RASSF3: variants seen among roughly 807,000 people sequenced by gnomAD.
The protein encoded by RASSF3 is Ras association domain family member 3.
Under a neutral mutation model 19.9 loss-of-function variants are expected in RASSF3, and 19 were observed. The observed-to-expected ratio is 0.96, with a 90% CI of 0.67 to 1.40. The LOEUF is 1.40. RASSF3 is among the 40% of genes most tolerant of loss of function. The pLI, the probability that RASSF3 is intolerant of heterozygous loss-of-function variation, is 0.00. For synonymous variants in RASSF3, 110 were observed against 104.2 expected (o/e 1.06, Z -0.34); for missense variants, 306 against 289.8 (o/e 1.06, Z -0.41).
In RASSF3 at chr12:64,684,431, G is replaced by T. The variant is rs865979921; in HGVS notation, c.112-356G>T. On this transcript the variant is annotated intron_variant, in intron 1 of 4. Coordinates refer to ENST00000542104, the MANE Select transcript of RASSF3 (RefSeq NM_178169.4). Reference sequence around the variant, plus strand: ...TCCTGACTTATCTGTTTGTTTGTTTGTTTGTTTTTTTTTTTTGAGACAGAG... The same window carrying T: ...TCCTGACTTATCTGTTTGTTTGTTTTTTTGTTTTTTTTTTTTGAGACAGAG... Among the ~76,000 whole-genome samples, 540 of 121,448 alleles carry T rather than the reference G, an allele frequency of 4.4e-3. 8 individuals are homozygous for T. Among genetic ancestry groups the T allele is most frequent in the African/African-American group, 0.015 (482 of 31,524 alleles). The allele number at this position is 121,448 out of a possible 152,430, so 79.7% of individuals were successfully genotyped here. A position where few individuals can be genotyped will look rare whatever the true frequency, so the allele number is the denominator to read the frequency against.
chr12:64,535,317 A>T (rs1190206964), intron 1 of RASSF3, among the ~76,000 whole-genome samples: 3 of 66,954 alleles, frequency 4.5e-5, no homozygotes, highest in African/African-American at 9.6e-5. Flanking sequence ...CTCTGTCTCT[A>T]AAAAAAAAAA....
chr12:64,658,485 A>G (rs1183374638), intron 1 of RASSF3, among the ~76,000 whole-genome samples: 3 of 152,234 alleles, frequency 2.0e-5, no homozygotes, highest in Non-Finnish European at 2.9e-5. Flanking sequence ...AGCACTGTCT[A>G]AACTAGTGAA....
chr12:64,584,502 A>AG (rs1156896168), intron 2 of RASSF3, among the ~76,000 whole-genome samples: 3 of 128,182 alleles, frequency 2.3e-5, no homozygotes, highest in East Asian at 2.2e-4. Flanking sequence ...GTCCAGGCTA[A>AG]GAAAAAAAAA....
At chr12:64,673,942 A>T (rs1274728694) in intron 1 of RASSF3, among the ~76,000 whole-genome samples, 1 of 152,150 alleles carries the variant, frequency 6.6e-6, no homozygotes, top group Non-Finnish European at 1.5e-5. Flanking sequence ...CTGTTGGCAC[A>T]CTACCCAGTT....
At chr12:64,588,917 A>G (rs1208821618) in intron 2 of RASSF3, among the ~76,000 whole-genome samples, 1 of 152,174 alleles carries the variant, frequency 6.6e-6, no homozygotes, top group African/African-American at 2.4e-5. Context: ...ATGTGATTGA[A>G]TCTTTTTAAC....
intron 1 of RASSF3, among the ~76,000 whole-genome samples, chr12:64,673,998 G>C (rs1012851250): frequency 6.6e-6 from 1 of 152,054 alleles, no homozygotes; most frequent in Non-Finnish European, 1.5e-5. Flanking sequence ...TAACCAGGGG[G>C]TTTAAAAAGT....
chr12:64,576,551 T>C (rs1189029119), intron 2 of RASSF3, among the ~76,000 whole-genome samples: 1 of 152,180 alleles, frequency 6.6e-6, no homozygotes, highest in East Asian at 1.9e-4. Flanking sequence ...GACCAGGGAT[T>C]GGCAAACTAC....
At chr12:64,608,048 C>T (rs1445826777), upstream of RASSF3, among the ~76,000 whole-genome samples, 1 of 151,964 alleles carries the variant, frequency 6.6e-6, no homozygotes, top group East Asian at 1.9e-4. Context: ...GGATTACAGG[C>T]GTAAACCACC....
intron 2 of RASSF3, among the ~76,000 whole-genome samples, chr12:64,603,073 TG>T (rs1468726455): frequency 6.6e-6 from 1 of 151,896 alleles, no homozygotes; most frequent in African/African-American, 2.4e-5. Context: ...CACTTCAGTC[TG>T]GGTGACAGAG....
intron 2 of RASSF3, among the ~76,000 whole-genome samples, chr12:64,597,857 A>G (rs192317110): frequency 6.6e-6 from 1 of 152,170 alleles, no homozygotes; most frequent in Non-Finnish European, 1.5e-5. Context: ...CCTCTTACGT[A>G]TCCTTCTCCT....
downstream of RASSF3, among the ~76,000 whole-genome samples, chr12:64,543,447 C>CGCCTGCCCCCCCGCT (rs1555208312): frequency 8.0e-5 from 5 of 62,832 alleles, no homozygotes; most frequent in Non-Finnish European, 1.5e-4. Flanking sequence ...CCCCCGTGCC[C>CGCCTGCCCCCCCGCT]GCCCGCCCCC....
intron 1 of RASSF3, among the ~76,000 whole-genome samples, chr12:64,619,824 A>G (rs1415980363): frequency 6.6e-6 from 1 of 152,064 alleles, no homozygotes; most frequent in South Asian, 2.1e-4. Flanking sequence ...TACTAAAAAT[A>G]CAAAAATTAG....
At chr12:64,658,669 C>T (rs1426215131) in intron 1 of RASSF3, among the ~76,000 whole-genome samples, 2 of 152,080 alleles carry the variant, frequency 1.3e-5, no homozygotes, top group Non-Finnish European at 2.9e-5. Flanking sequence ...AGTATGGTGG[C>T]ATACACCTGT....
chr12:64,511,398 C>A (rs953069502), intron 1 of RASSF3, among the ~76,000 whole-genome samples: 1 of 152,170 alleles, frequency 6.6e-6, no homozygotes, highest in Non-Finnish European at 1.5e-5. Context: ...AGGAGAATTG[C>A]TGGAACCCGG....
At chr12:64,607,438 T>G (rs915977605), upstream of RASSF3, among the ~76,000 whole-genome samples, 9 of 152,142 alleles carry the variant, frequency 5.9e-5, no homozygotes, top group Non-Finnish European at 1.0e-4. Context: ...GGCGTGATCT[T>G]GGCTCACTGC....
chr12:64,684,431 G>GTTTTTTTTTTTT (rs146721078), intron 1 of RASSF3, among the ~76,000 whole-genome samples: 1 of 121,508 alleles, frequency 8.2e-6, no homozygotes. Flanking sequence ...TTGTTTGTTT[G>GTTTTTTTTTTTT]TTTGTTTTTT....
downstream of RASSF3, among the ~76,000 whole-genome samples, chr12:64,543,487 T>C (rs1231626270): frequency 3.1e-4 from 4 of 12,812 alleles, no homozygotes; most frequent in South Asian, 4.1e-3. Context: ...CACCCCCCAC[T>C]CCCCCACTCC....
intron 1 of RASSF3, among the ~76,000 whole-genome samples, chr12:64,518,038 T>C (rs934281112): frequency 2.0e-5 from 3 of 152,188 alleles, no homozygotes; most frequent in African/African-American, 7.2e-5. Context: ...CTCTCTGTTA[T>C]TTTTATGACT....
chr12:64,680,912 A>G (rs1873102467), intron 1 of RASSF3, among the ~76,000 whole-genome samples: 1 of 152,114 alleles, frequency 6.6e-6, no homozygotes. Flanking sequence ...GCGCCCAGCC[A>G]GTTTCCTTAG....
Sources: gnomAD v4.1 joint callset for allele counts (sites outside exome capture counted in the v4.1 genomes callset) on GRCh38, gnomAD v4.1.1 for gene constraint, MANE v1.5 for transcripts, NCBI Gene and HGNC (gene_info 2026-07-23, HGNC 2026-07-21) for gene names.